The following DPP10 variants were observed in gnomAD, a reference collection of about 807,000 sequenced individuals.
The protein encoded by DPP10 is inactive dipeptidyl peptidase 10.
Under a neutral mutation model 120.9 loss-of-function variants are expected in DPP10, and 33 were observed. The observed-to-expected ratio is 0.27, with a 90% CI of 0.21 to 0.37. The LOEUF is 0.37. Among genes scored for constraint, DPP10 ranks in the 10% least tolerant of loss-of-function variants. The pLI is 1.00. For synonymous variants in DPP10, 337 were observed against 326.1 expected (o/e 1.03, Z -0.36); for missense variants, 816 against 942.8 (o/e 0.87, Z 1.76).
chr2:115,278,045 T>C (rs1174570668), intron 1 of DPP10, among the ~76,000 whole-genome samples: 1 of 152,122 alleles, frequency 6.6e-6, no homozygotes, highest in South Asian at 2.1e-4. Context: ...AGGCCATAGT[T>C]TGGGAGACAG....
chr2:115,706,731 G>A (rs111554148), intron 7 of DPP10, among the ~76,000 whole-genome samples: 3 of 152,040 alleles, frequency 2.0e-5, no homozygotes, highest in East Asian at 1.9e-4. Flanking sequence ...GATTATAATA[G>A]TATCTACCAC....
intron 1 of DPP10, among the ~76,000 whole-genome samples, chr2:115,181,127 G>A (rs1460049728): frequency 6.6e-6 from 1 of 152,034 alleles, no homozygotes; most frequent in Non-Finnish European, 1.5e-5. Flanking sequence ...TTTTTATCCT[G>A]GAGATTAAAA....
rs966472330 is a variant in DPP10 at position 115,425,026 on chromosome 2, A to G, written c.272-74484A>G. Among the ~76,000 whole-genome samples, 8 of 152,306 alleles carry G rather than the reference A, an allele frequency of 5.3e-5. No homozygotes were observed. The East Asian group carries it at 9.7e-4, about 18-fold the overall frequency. On this transcript the variant is annotated intron_variant, in intron 3 of 25. Transcript: ENST00000410059. Reference sequence around the variant, plus strand: ...GTTGGGGAATGAGTGGAGAATGAAGATAGTGCCTCTGAAATGCAGATAGCT... The same window carrying G: ...GTTGGGGAATGAGTGGAGAATGAAGGTAGTGCCTCTGAAATGCAGATAGCT...
chr2:114,642,490 A>G (rs1423348381), intron 1 of DPP10, among the ~76,000 whole-genome samples: 2 of 152,086 alleles, frequency 1.3e-5, no homozygotes, highest in Admixed American at 6.5e-5. Flanking sequence ...CACATACTTC[A>G]TACAAGTAAT....
chr2:115,310,568 A>G (rs1008069496), intron 2 of DPP10, among the ~76,000 whole-genome samples: 3 of 152,146 alleles, frequency 2.0e-5, no homozygotes, highest in African/African-American at 7.2e-5. Flanking sequence ...GAGAAAGGTA[A>G]TTGGAAAGGA....
chr2:115,488,836 T>C (rs1399153439), intron 3 of DPP10, among the ~76,000 whole-genome samples: 1 of 125,534 alleles, frequency 8.0e-6, no homozygotes, highest in Admixed American at 8.8e-5. Flanking sequence ...CATATGTAAC[T>C]AACCTGCACA....
chr2:114,922,491 T>C (rs775101522), intron 1 of DPP10, among the ~76,000 whole-genome samples: 43 of 152,174 alleles, frequency 2.8e-4, no homozygotes, highest in Non-Finnish European at 5.3e-4. Flanking sequence ...TTTCCATTTT[T>C]AGTAGAGATG....
intron 1 of DPP10, among the ~76,000 whole-genome samples, chr2:114,578,672 T>G (rs1263210984): frequency 6.6e-6 from 1 of 152,166 alleles, no homozygotes; most frequent in Non-Finnish European, 1.5e-5. Context: ...CTCATAGAGA[T>G]CAATTATAAA....
chr2:115,221,561 C>T (rs1056282423), intron 1 of DPP10, among the ~76,000 whole-genome samples: 6 of 152,064 alleles, frequency 3.9e-5, no homozygotes, highest in African/African-American at 1.4e-4. Flanking sequence ...ACTATCTGGC[C>T]CTATATAGAT....
At chr2:115,381,216 C>A (rs10190908) in intron 3 of DPP10, among the ~76,000 whole-genome samples, 98,225 of 151,984 alleles carry the variant, frequency 0.65, 32,347 homozygotes, top group Admixed American at 0.74. Context: ...TGGTCTTTTC[C>A]CTTAGTCCCA....
intron 1 of DPP10, among the ~76,000 whole-genome samples, chr2:114,828,255 A>G (rs980692133): frequency 5.3e-5 from 8 of 152,224 alleles, no homozygotes; most frequent in Middle Eastern, 3.2e-3. Flanking sequence ...TAATGGGTAG[A>G]TGTTCTCAAA....
At chr2:115,328,235 C>T (rs1478606013) in intron 2 of DPP10, among the ~76,000 whole-genome samples, 2 of 152,062 alleles carry the variant, frequency 1.3e-5, no homozygotes, top group Admixed American at 6.6e-5. Context: ...GTATGTATCA[C>T]AGTGTGTAAA....
At chr2:114,717,205 G>A (rs561692947) in intron 1 of DPP10, among the ~76,000 whole-genome samples, 1 of 152,284 alleles carries the variant, frequency 6.6e-6, no homozygotes, top group East Asian at 1.9e-4. Flanking sequence ...GACTGCATAT[G>A]GAGAAGACAG....
chr2:115,140,974 A>T (rs1346426047), intron 1 of DPP10, among the ~76,000 whole-genome samples: 1 of 152,018 alleles, frequency 6.6e-6, no homozygotes, highest in Non-Finnish European at 1.5e-5. Context: ...GAATATGGTA[A>T]GATTACCAGA....
intron 3 of DPP10, among the ~76,000 whole-genome samples, chr2:115,466,140 AAACT>A (rs1243694566): frequency 6.6e-6 from 1 of 151,432 alleles, no homozygotes; most frequent in African/African-American, 2.5e-5. Context: ...TCTACTCTAT[AAACT>A]GATAGACCTT....
At chr2:115,368,250 G>A (rs897374612) in intron 3 of DPP10, among the ~76,000 whole-genome samples, 1 of 152,080 alleles carries the variant, frequency 6.6e-6, no homozygotes, top group Non-Finnish European at 1.5e-5. Flanking sequence ...TAAGCCTGGG[G>A]ACAGGAAGTC....
chr2:114,815,831 T>C (rs1472529602), intron 1 of DPP10, among the ~76,000 whole-genome samples: 1 of 152,116 alleles, frequency 6.6e-6, no homozygotes, highest in African/African-American at 2.4e-5. Flanking sequence ...CAGGTCCCAG[T>C]TCAGCCACCT....
intron 1 of DPP10, among the ~76,000 whole-genome samples, chr2:114,849,463 C>T (rs1009596418): frequency 2.6e-5 from 4 of 152,108 alleles, no homozygotes; most frequent in Non-Finnish European, 5.9e-5. Flanking sequence ...GATCCTCCTG[C>T]TTCAGCCCCC....
intron 1 of DPP10, among the ~76,000 whole-genome samples, chr2:115,169,784 A>T (rs2053179193): frequency 6.6e-6 from 1 of 152,190 alleles, no homozygotes; most frequent in Non-Finnish European, 1.5e-5. Flanking sequence ...GTATTATCTA[A>T]CTTTAATATT....
Sources: gnomAD v4.1 joint callset for allele counts (sites outside exome capture counted in the v4.1 genomes callset) on GRCh38, gnomAD v4.1.1 for gene constraint, MANE v1.5 for transcripts, NCBI Gene and HGNC (gene_info 2026-07-23, HGNC 2026-07-21) for gene names.